RBM28: variants seen among roughly 807,000 people sequenced by gnomAD.
RBM28 encodes RNA binding motif protein 28.
Under a neutral mutation model 98.3 loss-of-function variants are expected in RBM28, and 78 were observed. The ratio of observed to expected loss-of-function variants is 0.79; its 90% CI spans 0.66 to 0.96. The LOEUF (loss-of-function observed/expected upper bound fraction) is 0.96, where lower values mean the gene tolerates loss of function less well. Among genes scored for constraint, RBM28 ranks in the 40% least tolerant of loss-of-function variants. RBM28 has a pLI of 0.00. For synonymous variants in RBM28, 306 were observed against 330.9 expected (o/e 0.92, Z 0.82); for missense variants, 838 against 913.0 (o/e 0.92, Z 1.06).
chr7:128,317,833 T>C lies in RBM28; in HGVS notation c.1714-100A>G. ...CACACATCCTCCCCCAACCCACCTT[T>C]TTTTTGTCCACTTGCCACTGTTTCC... On this transcript the variant is annotated intron_variant, in intron 15 of 18. Coordinates refer to ENST00000223073, the MANE Select transcript of RBM28 (RefSeq NM_018077.3). The C allele has an allele frequency of 3.9e-6, 6 of 1,525,680 alleles. No homozygotes were observed. The South Asian group carries it at 5.6e-5, about 14-fold the overall frequency. 94.5% of individuals were successfully genotyped at this position (1,525,680 alleles called of 1,614,324 possible).
chr7:128,340,381 A>G (rs1027264015), intron 1 of RBM28, among the ~76,000 whole-genome samples: 1 of 152,148 alleles, frequency 6.6e-6, no homozygotes, highest in Non-Finnish European at 1.5e-5. Flanking sequence ...GAGAGACCTG[A>G]GCAAGCACAT....
Position 128,310,876 on chromosome 7 carries a change from A to G in RBM28, c.2201T>C (p.Val734Ala), listed in dbSNP as rs1460488096. 1.2e-6 allele frequency: 2 copies of G among 1,614,034 alleles called. No individual in the cohort carries two copies. Among genetic ancestry groups the G allele is most frequent in the Non-Finnish European group, 1.7e-6 (2 of 1,179,920 alleles). ...NKTETRFNQL[V>A]EQYKQKLLGP... ...CAATAATTTCTGCTTATATTGTTCG[A>G]CCAGCTGGTTGAAGCGGGTTTCCGT... The change falls in exon 19 of 19, where the codon GTC (valine) becomes GCC (alanine). Residue 734 changes from valine to alanine, a missense_variant. Val to Ala is a moderately conservative substitution (Grantham distance 64). Coordinates refer to ENST00000223073, the MANE Select transcript of RBM28 (RefSeq NM_018077.3).
intron 13 of RBM28, among the ~76,000 whole-genome samples, chr7:128,322,894 G>T (rs2116345419): frequency 6.6e-6 from 1 of 152,194 alleles, no homozygotes; most frequent in South Asian, 2.1e-4. Context: ...GCATGTTAAG[G>T]TTCCATAGCT....
At position 128,343,868 on chromosome 7, in the gene RBM28, G is replaced by A; in HGVS notation, c.-75C>T. ...GCACGCGAGCCGAAACGCTGGCTTT[G>A]GTAGGACAACCAAGCTCACACGCCG... On this transcript the variant is annotated 5_prime_UTR_variant, in exon 1 of 19. Transcript: ENST00000223073. 1 of 1,088,678 alleles carries A rather than the reference G, an allele frequency of 9.2e-7. No homozygotes were observed. The highest frequency in any genetic ancestry group is 1.3e-6 in the Non-Finnish European group (1 of 761,386). 67.4% of individuals were successfully genotyped at this position (1,088,678 alleles called of 1,614,324 possible). A position where few individuals can be genotyped will look rare whatever the true frequency, so the allele number is the denominator to read the frequency against.
At chr7:128,333,694 G>A (rs534227195) in intron 8 of RBM28, among the ~76,000 whole-genome samples, 66 of 152,122 alleles carry the variant, frequency 4.3e-4, no homozygotes, top group African/African-American at 1.5e-3. Context: ...CTCCAGCCAC[G>A]GTGACAAGAG....
At position 128,310,295 on chromosome 7, in the gene RBM28, T is replaced by C. The variant is rs1288545459; in HGVS notation, c.*502A>G. The C allele has an allele frequency of 5.8e-6, 1 of 172,730 alleles. No individual in the cohort carries two copies. The highest frequency in any genetic ancestry group is 2.4e-5 in the African/African-American group (1 of 41,606). The allele number at this position is 172,730 out of a possible 1,614,324, so 10.7% of individuals were successfully genotyped here. A position where few individuals can be genotyped will look rare whatever the true frequency, so the allele number is the denominator to read the frequency against. On this transcript the variant is annotated 3_prime_UTR_variant, in exon 19 of 19. Transcript: ENST00000223073. The stretch of plus-strand genomic sequence containing the variant: ...GGTTAGAAAGCATTTCTCTCTGCTC[T>C]CGCTTAGACAGTTCCTGCAGTGTGT...
intron 5 of RBM28, among the ~76,000 whole-genome samples, chr7:128,337,677 C>T (rs1796631971): frequency 6.6e-6 from 1 of 151,708 alleles, no homozygotes; most frequent in South Asian, 2.1e-4. Flanking sequence ...CCTGCCTCAG[C>T]CTCTTGAGTA....
At position 128,321,388 on chromosome 7, in the gene RBM28, T is replaced by C. The variant is rs772409600; in HGVS notation, c.1441A>G (p.Asn481Asp). 1.9e-6 allele frequency: 3 copies of C among 1,614,088 alleles called. No homozygotes were observed. Among genetic ancestry groups the C allele is most frequent in the African/African-American group, 2.7e-5 (2 of 74,940 alleles). ...AGCCTGGTTCGGGAGACAAAGATATTCTGGTCCTTGAGTTTCTGATGCTTC... is the reference window on the plus strand; with the variant it reads ...AGCCTGGTTCGGGAGACAAAGATATCCTGGTCCTTGAGTTTCTGATGCTTC... ...LLKHQKLKDQ[N>D]IFVSRTRLCL... Residue 481 changes from asparagine (N) to aspartate (D), a missense_variant, in exon 14 of 19, where the codon AAT (asparagine) becomes GAT (aspartate). Coordinates refer to ENST00000223073, the MANE Select transcript of RBM28 (RefSeq NM_018077.3).
At chr7:128,314,111 C>T (rs774731011) in intron 17 of RBM28, among the ~76,000 whole-genome samples, 1 of 152,094 alleles carries the variant, frequency 6.6e-6, no homozygotes, top group African/African-American at 2.4e-5. Flanking sequence ...TACAGGCGCC[C>T]GCCACCGCAC....
In RBM28 at chr7:128,339,660, T is replaced by G; in HGVS notation, c.250A>C (p.Asn84His). The change falls in exon 2 of 19, where the codon AAC (asparagine) becomes CAC (histidine). Residue 84 changes from asparagine to histidine, a missense_variant. Coordinates refer to ENST00000223073, the MANE Select transcript of RBM28 (RefSeq NM_018077.3). The part of the protein sequence containing the change: ...NVTVAKKKLR[N>H]KTKEKGKNEN... ...TTTTTCCCCTTTTCCTTTGTCTTGTTCCTCAGTTTTTTCTTGGCAACAGTC... is the reference window on the plus strand; with the variant it reads ...TTTTTCCCCTTTTCCTTTGTCTTGTGCCTCAGTTTTTTCTTGGCAACAGTC... The G allele has an allele frequency of 6.2e-7, 1 of 1,614,166 alleles. No individual in the cohort carries two copies. Among genetic ancestry groups the G allele is most frequent in the Non-Finnish European group, 8.5e-7 (1 of 1,180,010 alleles).
At chr7:128,316,874 C>T (rs1455410857) in intron 16 of RBM28, among the ~76,000 whole-genome samples, 3 of 152,206 alleles carry the variant, frequency 2.0e-5, no homozygotes, top group Non-Finnish European at 2.9e-5. Flanking sequence ...CAGAATGGCT[C>T]GTCTGTTGGT....
chr7:128,313,329 T>A, intron 17 of RBM28, 55 bp from the exon 18 acceptor site: 1 of 1,524,016 alleles, frequency 6.6e-7, no homozygotes, highest in Non-Finnish European at 9.1e-7. Flanking sequence ...TTGACACCCC[T>A]AGGTTCTCTT....
Position 128,311,590 on chromosome 7 carries a change from T to C in RBM28, c.2146-659A>G, listed in dbSNP as rs574980956. Among the ~76,000 whole-genome samples the C allele has an allele frequency of 4.6e-5, 7 of 152,168 alleles. No homozygotes were observed. The South Asian group carries it at 1.5e-3, about 32-fold the overall frequency. On this transcript the variant is annotated intron_variant, in intron 18 of 18. Transcript: ENST00000223073. ...GATACTACCAGACAAATACGCCACATCAGAAAGACTCAGAAGCCAACCTGC... is the reference window on the plus strand; with the variant it reads ...GATACTACCAGACAAATACGCCACACCAGAAAGACTCAGAAGCCAACCTGC...
Position 128,317,777 on chromosome 7 carries a change from T to C in RBM28, c.1714-44A>G, listed in dbSNP as rs755757047. On this transcript the variant is annotated intron_variant, in intron 15 of 18. Coordinates refer to ENST00000223073, the MANE Select transcript of RBM28 (RefSeq NM_018077.3). ...ATGCCATTCATTAGACTTCTTAATC[T>C]GTGCATGCAATGAGCTGAGTTTTTC... 4 of 1,507,226 alleles carry C rather than the reference T, an allele frequency of 2.7e-6. 1 individual carries two copies. In the South Asian group the frequency reaches 4.5e-5, roughly 17 times the overall value. 93.4% of individuals were successfully genotyped at this position (1,507,226 alleles called of 1,614,324 possible). A position where few individuals can be genotyped will look rare whatever the true frequency, so the allele number is the denominator to read the frequency against.
intron 18 of RBM28, among the ~76,000 whole-genome samples, chr7:128,312,749 G>T (rs1026050473): frequency 1.3e-5 from 2 of 152,150 alleles, no homozygotes; most frequent in African/African-American, 2.4e-5. Context: ...TATATCATTT[G>T]TGTAGTAGAT....
At position 128,306,292 on chromosome 7, in the gene RBM28, G is replaced by A. The variant is rs1362970850; in HGVS notation, c.*4505C>T. On this transcript the variant is annotated 3_prime_UTR_variant, in exon 19 of 19. Transcript: ENST00000223073. ...GCACAGAGACTGTCCAGATTGGAAT[G>A]GACAAGGCATAGCAGAAAGTACGGT... 1 of 152,224 alleles carries A rather than the reference G, an allele frequency of 6.6e-6. No individual in the cohort carries two copies. The highest frequency in any genetic ancestry group is 1.5e-5 in the Non-Finnish European group (1 of 68,050). 9.4% of individuals were successfully genotyped at this position (152,224 alleles called of 1,614,324 possible).
intron 1 of RBM28, among the ~76,000 whole-genome samples, chr7:128,343,247 C>T (rs1796767324): frequency 6.6e-6 from 1 of 152,150 alleles, no homozygotes; most frequent in African/African-American, 2.4e-5. Context: ...GGGTCCACTA[C>T]TTAACAGCCG....
chr7:128,340,341 G>A (rs1275249410), intron 1 of RBM28, among the ~76,000 whole-genome samples: 3 of 152,162 alleles, frequency 2.0e-5, no homozygotes, highest in Admixed American at 1.3e-4. Flanking sequence ...TATCATGAGA[G>A]TGGAGCTGGG....
chr7:128,308,623 T>A lies in RBM28; in HGVS notation c.*2174A>T, dbSNP rs942899900. On this transcript the variant is annotated 3_prime_UTR_variant, in exon 19 of 19. Transcript: ENST00000223073. The stretch of plus-strand genomic sequence containing the variant: ...AAAAGGTCTAAATATTTCCATGGCC[T>A]CTCCTTCATCCATTTCTAAACCAAA... The A allele has an allele frequency of 2.0e-5, 3 of 152,198 alleles. No individual in the cohort carries two copies. Among genetic ancestry groups the A allele is most frequent in the African/African-American group, 4.8e-5 (2 of 41,454 alleles). The allele number at this position is 152,198 out of a possible 1,614,324, so 9.4% of individuals were successfully genotyped here.
Sources: gnomAD v4.1 joint callset for allele counts (sites outside exome capture counted in the v4.1 genomes callset) on GRCh38, gnomAD v4.1.1 for gene constraint, MANE v1.5 for transcripts, NCBI Gene and HGNC (gene_info 2026-07-23, HGNC 2026-07-21) for gene names.